The following RARB variants were observed in gnomAD, a reference collection of about 807,000 sequenced individuals.
RARB encodes HBV-activated protein.
A neutral mutation model predicts 51.9 loss-of-function variants in RARB; 17 were observed. That is an observed-to-expected ratio of 0.33 (90% CI 0.22 to 0.49). RARB has a LOEUF of 0.49. Ranked by LOEUF, RARB falls within the 20% of genes least tolerant of loss-of-function variation. The pLI is 0.99. For synonymous variants in RARB, 215 were observed against 195.4 expected, an observed-to-expected ratio of 1.10 and a Z score of -0.84; for missense variants, 369 against 550.8, an observed-to-expected ratio of 0.67 and a Z score of 3.30.
chr3:25,578,299 G>A lies in RARB; in HGVS notation c.610-2247G>A, dbSNP rs578225706. On this transcript the variant is annotated intron_variant, in intron 4 of 7. Transcript: ENST00000330688. ...CAGGTTATTTTGTGTTTTATTAACT[G>A]CCTCTTCCCTTCAGTTTGCATAATA... 1.5e-3 allele frequency among the ~76,000 whole-genome samples: 230 copies of A among 152,300 alleles called. 1 individual carries two copies. The highest frequency in any genetic ancestry group is 2.4e-3 in the Non-Finnish European group (161 of 68,024).
chr3:25,271,545 C>A (rs1466561432), intron 5 of RARB, among the ~76,000 whole-genome samples: 1 of 152,122 alleles, frequency 6.6e-6, no homozygotes, highest in African/African-American at 2.4e-5. Flanking sequence ...AACTAACTTT[C>A]TTTTGGAAGA....
intron 3 of RARB, among the ~76,000 whole-genome samples, chr3:25,515,975 C>T (rs1027789426): frequency 6.6e-6 from 1 of 152,194 alleles, no homozygotes; most frequent in African/African-American, 2.4e-5. Context: ...GAAGAATCTT[C>T]CTTCCTGTTA....
chr3:24,995,530 A>G (rs1266593908), intron 2 of RARB, among the ~76,000 whole-genome samples: 2 of 152,052 alleles, frequency 1.3e-5, no homozygotes, highest in East Asian at 1.9e-4. Flanking sequence ...GAGAGTGGGC[A>G]TTCTTACGTT....
In RARB at chr3:25,480,839, G is replaced by A. The variant is rs565130706; in HGVS notation, c.306+19498G>A. On this transcript the variant is annotated intron_variant, in intron 2 of 7. Coordinates refer to ENST00000330688, the MANE Select transcript of RARB (RefSeq NM_000965.5). ...GATAGTAGCTGTCTTCTAATTCTTT[G>A]CTACTGCATGCCTCAATGGAGTACA... Among the ~76,000 whole-genome samples, 6 of 152,246 alleles carry A rather than the reference G, an allele frequency of 3.9e-5. No homozygotes were observed. In the East Asian group the frequency reaches 1.2e-3, roughly 29 times the overall value.
At chr3:25,556,331 G>C (rs897439698) in intron 3 of RARB, among the ~76,000 whole-genome samples, 2 of 152,158 alleles carry the variant, frequency 1.3e-5, no homozygotes, top group Non-Finnish European at 2.9e-5. Context: ...CACTTCATAT[G>C]CTGAGACTGA....
intron 5 of RARB, among the ~76,000 whole-genome samples, chr3:25,283,217 A>C (rs1324249388): frequency 6.6e-6 from 1 of 152,144 alleles, no homozygotes; most frequent in Non-Finnish European, 1.5e-5. Context: ...GTCCTTGGGA[A>C]GCTCTGTCCT....
intron 2 of RARB, among the ~76,000 whole-genome samples, chr3:24,869,243 T>G (rs911801805): frequency 1.3e-5 from 2 of 152,190 alleles, no homozygotes; most frequent in African/African-American, 4.8e-5. Context: ...TCATAATGTG[T>G]CTTAAGTTGG....
At chr3:25,088,247 C>T (rs556315966) in intron 3 of RARB, among the ~76,000 whole-genome samples, 3 of 152,024 alleles carry the variant, frequency 2.0e-5, no homozygotes, top group African/African-American at 7.2e-5. Flanking sequence ...TCAATCAATC[C>T]TCCAGCGACT....
intron 5 of RARB, among the ~76,000 whole-genome samples, chr3:25,381,515 AGCACTTAGAACAGT>A (rs1326290412): frequency 6.6e-6 from 1 of 152,276 alleles, no homozygotes; most frequent in Non-Finnish European, 1.5e-5. Flanking sequence ...AGTATATTTA[AGCACTTAGAACAGT>A]GCCTAGAACA....
intron 4 of RARB, among the ~76,000 whole-genome samples, chr3:25,148,881 G>A (rs1700237258): frequency 6.6e-6 from 1 of 152,092 alleles, no homozygotes; most frequent in Admixed American, 6.5e-5. Flanking sequence ...GGTTGTGCAT[G>A]GCTTCTTCCC....
At chr3:25,359,961 G>T (rs573047866) in intron 5 of RARB, among the ~76,000 whole-genome samples, 3 of 152,294 alleles carry the variant, frequency 2.0e-5, no homozygotes, top group Non-Finnish European at 4.4e-5. Flanking sequence ...GTTGATTTGA[G>T]GTGGAGAATT....
intron 5 of RARB, among the ~76,000 whole-genome samples, chr3:25,242,825 T>C (rs933864814): frequency 1.3e-5 from 2 of 152,172 alleles, no homozygotes; most frequent in Non-Finnish European, 2.9e-5. Context: ...TTTAAAGAAG[T>C]TTTTTCCAAT....
intron 2 of RARB, among the ~76,000 whole-genome samples, chr3:24,937,052 G>T (rs1038522691): frequency 1.3e-5 from 2 of 152,126 alleles, no homozygotes; most frequent in African/African-American, 4.8e-5. Flanking sequence ...ACTATTGTCT[G>T]TAAAAGAATG....
chr3:25,134,499 T>C (rs1182183639), intron 4 of RARB, among the ~76,000 whole-genome samples: 1 of 151,970 alleles, frequency 6.6e-6, no homozygotes, highest in Admixed American at 6.6e-5. Flanking sequence ...AACAGGTTTA[T>C]TGTGAGAATT....
intron 2 of RARB, among the ~76,000 whole-genome samples, chr3:24,892,300 G>C (rs1320097682): frequency 6.6e-6 from 1 of 151,760 alleles, no homozygotes; most frequent in Non-Finnish European, 1.5e-5. Flanking sequence ...ATGGGCTGGA[G>C]GTAGGAGGCT....
At chr3:25,083,554 T>C (rs982581220) in intron 3 of RARB, among the ~76,000 whole-genome samples, 1 of 152,362 alleles carries the variant, frequency 6.6e-6, no homozygotes, top group Non-Finnish European at 1.5e-5. Flanking sequence ...GTCCATCTTT[T>C]ATTTAAACTA....
At chr3:25,330,818 G>C (rs910417203) in intron 5 of RARB, among the ~76,000 whole-genome samples, 1 of 152,180 alleles carries the variant, frequency 6.6e-6, no homozygotes, top group African/African-American at 2.4e-5. Context: ...GATGGAGGAG[G>C]ATCTACCAAG....
intron 2 of RARB, among the ~76,000 whole-genome samples, chr3:24,897,048 T>C (rs1352192717): frequency 6.6e-6 from 1 of 152,212 alleles, no homozygotes; most frequent in Non-Finnish European, 1.5e-5. Context: ...GCTGTCTGAT[T>C]TGGCATCCCT....
intron 3 of RARB, among the ~76,000 whole-genome samples, chr3:25,070,114 C>A (rs1457009603): frequency 6.6e-6 from 1 of 152,134 alleles, no homozygotes; most frequent in Non-Finnish European, 1.5e-5. Context: ...TATTGGGTTC[C>A]TTGGCTTTGC....
Sources: allele counts gnomAD v4.1 joint callset (sites outside exome capture counted in the v4.1 genomes callset), GRCh38; gene constraint gnomAD v4.1.1; transcripts MANE v1.5; gene names NCBI Gene and HGNC (gene_info 2026-07-23, HGNC 2026-07-21).